Variants in ENPEP observed in about 807,000 individuals in gnomAD.
ENPEP encodes the protein AP-A.
In ENPEP, 103 loss-of-function variants were observed where a neutral mutation model predicts 114.5. The ratio of observed to expected loss-of-function variants is 0.90; its 90% CI spans 0.77 to 1.06. The LOEUF is 1.06. ENPEP is among the 50% of genes least tolerant of loss of function. ENPEP has a pLI of 0.00. For missense variants in ENPEP, 1,196 were observed against 1,161.3 expected, an observed-to-expected ratio of 1.03 and a Z score of -0.43; for synonymous variants, 420 against 422.0, an observed-to-expected ratio of 1.00 and a Z score of 0.06.
intron 4 of ENPEP, among the ~76,000 whole-genome samples, chr4:110,508,800 G>T (rs754514200): frequency 3.3e-5 from 5 of 152,132 alleles, no homozygotes; most frequent in Non-Finnish European, 7.4e-5. Context: ...AACAGAGCGA[G>T]ACTCTGTCTC....
chr4:110,518,728 C>A (rs1339050695), intron 8 of ENPEP, among the ~76,000 whole-genome samples: 1 of 152,062 alleles, frequency 6.6e-6, no homozygotes, highest in African/African-American at 2.4e-5. Flanking sequence ...CTGAAGGCAC[C>A]CAGGTAGTTA....
At chr4:110,538,923 C>G (rs1726746278) in intron 11 of ENPEP, among the ~76,000 whole-genome samples, 1 of 151,926 alleles carries the variant, frequency 6.6e-6, no homozygotes, top group Admixed American at 6.6e-5. Flanking sequence ...AGGGGAATGG[C>G]CAGCTGGTGG....
intron 10 of ENPEP, among the ~76,000 whole-genome samples, chr4:110,524,009 A>G (rs1726102051): frequency 6.6e-6 from 1 of 152,338 alleles, no homozygotes; most frequent in African/African-American, 2.4e-5. Context: ...ATGAAGCAAG[A>G]AATGGCAGTA....
intron 10 of ENPEP, among the ~76,000 whole-genome samples, chr4:110,522,456 C>T (rs1726034270): frequency 6.6e-6 from 1 of 152,160 alleles, no homozygotes; most frequent in African/African-American, 2.4e-5. Flanking sequence ...CCTGGGATTA[C>T]AGGTGTGAGC....
intron 3 of ENPEP, among the ~76,000 whole-genome samples, chr4:110,496,614 T>G (rs996435422): frequency 6.6e-6 from 1 of 152,230 alleles, no homozygotes; most frequent in African/African-American, 2.4e-5. Context: ...GCTGTCTCCT[T>G]AATTCATTCT....
At chr4:110,525,405 C>T (rs370259306) in intron 10 of ENPEP, among the ~76,000 whole-genome samples, 1 of 152,312 alleles carries the variant, frequency 6.6e-6, no homozygotes, top group East Asian at 1.9e-4. Context: ...ACGTTGTTCC[C>T]ATTTCACCCA....
At position 110,476,464 on chromosome 4, in the gene ENPEP, A is replaced by C; in HGVS notation, c.50A>C (p.Lys17Thr). The C allele has an allele frequency of 6.4e-7, 1 of 1,551,308 alleles. No individual in the cohort carries two copies. Among genetic ancestry groups the C allele is most frequent in the South Asian group, 1.2e-5 (1 of 81,150 alleles). ...TCTAAGAGATACTGCATTCAAACGA[A>C]ACATGTGGCCATTCTCTGTGCGGTG... is the stretch of plus-strand genomic sequence containing the variant. ...EGSKRYCIQT[K>T]HVAILCAVVV... Residue 17 changes from lysine to threonine, a missense_variant, in exon 1 of 20, where the codon AAA becomes ACA. Transcript: ENST00000265162.
chr4:110,510,473 G>A (rs746082708), intron 6 of ENPEP, 115 bp downstream of exon 6: 56 of 846,338 alleles, frequency 6.6e-5, no homozygotes, highest in Non-Finnish European at 9.5e-5. Flanking sequence ...GGTGAGCGGG[G>A]AATTCCACTG....
intron 6 of ENPEP, 67 bp from the exon 7 acceptor site, chr4:110,513,348 G>A: frequency 6.7e-7 from 1 of 1,491,036 alleles, no homozygotes; most frequent in Non-Finnish European, 9.0e-7. Context: ...TCTTATATAT[G>A]GTATTTTAGT....
intron 10 of ENPEP, among the ~76,000 whole-genome samples, chr4:110,529,135 C>T (rs1726308639): frequency 6.6e-6 from 1 of 152,056 alleles, no homozygotes; most frequent in South Asian, 2.1e-4. Flanking sequence ...TCCCAGAGGC[C>T]ATGTTTTAGA....
Position 110,515,403 on chromosome 4 carries a change from A to C in ENPEP, c.1470A>C (p.Glu490Asp), listed in dbSNP as rs1725723962. 1 of 1,594,326 alleles carries C rather than the reference A, an allele frequency of 6.3e-7. No individual in the cohort carries two copies. ...GATCTTCTATTTTGAGAATGCTTGA[A>C]GACTGGATAAAACCAGAGAATTTTC... is the stretch of plus-strand genomic sequence containing the variant. ...SKGSSILRMLEDWIKPENFQK... is the reference protein window; with the variant it reads ...SKGSSILRMLDDWIKPENFQK... Residue 490 changes from glutamate to aspartate, a missense_variant, in exon 8 of 20, where the codon GAA becomes GAC. By Grantham distance (45) the Glu-to-Asp change is conservative. Coordinates refer to ENST00000265162, the MANE Select transcript of ENPEP (RefSeq NM_001977.4).
chr4:110,506,916 C>T (rs938803295), intron 4 of ENPEP, among the ~76,000 whole-genome samples, 159 bp downstream of exon 4: 6 of 152,152 alleles, frequency 3.9e-5, no homozygotes, highest in African/African-American at 7.2e-5. Context: ...CCTCCTGCCT[C>T]GGCCTCCCAA....
chr4:110,556,260 C>T (rs1727467819), intron 18 of ENPEP, among the ~76,000 whole-genome samples: 1 of 151,370 alleles, frequency 6.6e-6, no homozygotes, highest in East Asian at 1.9e-4. Flanking sequence ...ACAAAAATTA[C>T]CTGTAATGCA....
At chr4:110,532,069 T>G (rs1726427049) in intron 11 of ENPEP, among the ~76,000 whole-genome samples, 1 of 152,202 alleles carries the variant, frequency 6.6e-6, no homozygotes, top group South Asian at 2.1e-4. Flanking sequence ...GAGGTATGAT[T>G]TCTCCTGGCC....
At chr4:110,561,168 C>T (rs2110406258) in intron 19 of ENPEP, among the ~76,000 whole-genome samples, 1 of 152,248 alleles carries the variant, frequency 6.6e-6, no homozygotes, top group East Asian at 1.9e-4. Flanking sequence ...CCATCCTTCT[C>T]CAAAATGTCA....
intron 10 of ENPEP, among the ~76,000 whole-genome samples, chr4:110,528,846 G>A (rs1726296617): frequency 6.6e-6 from 1 of 152,160 alleles, no homozygotes; most frequent in South Asian, 2.1e-4. Context: ...GAAGAACTAT[G>A]TCTATAAAAA....
In ENPEP at chr4:110,476,793, G is replaced by A. The variant is rs767349194; in HGVS notation, c.379G>A (p.Ala127Thr). Residue 127 changes from alanine to threonine, a missense_variant, in exon 1 of 20, where the codon GCT becomes ACT. Coordinates refer to ENST00000265162, the MANE Select transcript of ENPEP (RefSeq NM_001977.4). ...GTVSISINLS[A>T]PTRYLWLHLR... The stretch of plus-strand genomic sequence containing the variant: ...CGTGAGCATCTCCATCAACCTGAGC[G>A]CTCCCACCCGGTACCTGTGGCTGCA... 6.2e-7 allele frequency: 1 copy of A among 1,614,150 alleles called. No individual in the cohort carries two copies. The highest frequency in any genetic ancestry group is 8.5e-7 in the Non-Finnish European group (1 of 1,180,036).
Position 110,506,726 on chromosome 4 carries a change from C to T in ENPEP, c.1008C>T (p.Tyr336=), listed in dbSNP as rs775773759. The T allele has an allele frequency of 1.9e-6, 3 of 1,598,836 alleles. No individual in the cohort carries two copies. Among genetic ancestry groups the T allele is most frequent in the Middle Eastern group, 1.7e-4 (1 of 6,024 alleles). The change falls in exon 4 of 20, where the codon TAC becomes TAT. Residue 336 remains tyrosine, a synonymous_variant. Transcript: ENST00000265162. ...TKSVFDYFEE[Y]FAMNYSLPKL... is the part of the protein sequence containing the mutation. ...GTGTGTTTGATTATTTTGAAGAATA[C>T]TTTGCTATGAATTATTCTCTTCCTA...
chr4:110,558,626 A>G (rs1245645250), intron 18 of ENPEP, among the ~76,000 whole-genome samples: 4 of 152,008 alleles, frequency 2.6e-5, no homozygotes, highest in Admixed American at 2.6e-4. Context: ...AATTTATCCT[A>G]TTGCTGTGTA....
Sources: allele counts gnomAD v4.1 joint callset (sites outside exome capture counted in the v4.1 genomes callset), GRCh38; gene constraint gnomAD v4.1.1; transcripts MANE v1.5; gene names NCBI Gene and HGNC (gene_info 2026-07-23, HGNC 2026-07-21).